Variants in MTUS2 observed in about 807,000 individuals in gnomAD.
MTUS2 encodes microtubule-associated tumor suppressor candidate 2.
Under a neutral mutation model 114.1 loss-of-function variants are expected in MTUS2, and 40 were observed. That is an observed-to-expected ratio of 0.35 (90% CI 0.27 to 0.46). The LOEUF is 0.46. MTUS2 is among the 20% of genes least tolerant of loss of function. The pLI is 1.00. For missense variants in MTUS2, 1,679 were observed against 1,705.4 expected, an observed-to-expected ratio of 0.98 and a Z score of 0.27; for synonymous variants, 688 against 672.0, an observed-to-expected ratio of 1.02 and a Z score of -0.37.
chr13:29,278,909 G>A (rs1011439281), intron 5 of MTUS2, among the ~76,000 whole-genome samples: 8 of 151,650 alleles, frequency 5.3e-5, no homozygotes, highest in African/African-American at 1.5e-4. Context: ...TTCTTCTCAC[G>A]TCGAGCAGCC....
intron 8 of MTUS2, among the ~76,000 whole-genome samples, chr13:29,412,178 A>G (rs1875292273): frequency 2.6e-5 from 4 of 152,178 alleles, no homozygotes; most frequent in African/African-American, 7.2e-5. Flanking sequence ...AAATTCTTCT[A>G]TTGTTTACAC....
chr13:28,979,426 A>T (rs1884260910), intron 2 of MTUS2, among the ~76,000 whole-genome samples: 2 of 152,206 alleles, frequency 1.3e-5, no homozygotes, highest in African/African-American at 4.8e-5. Context: ...TTAAGAATAA[A>T]ATTATGGAAA....
chr13:29,448,341 G>A (rs962531635), intron 9 of MTUS2, among the ~76,000 whole-genome samples: 1 of 152,096 alleles, frequency 6.6e-6, no homozygotes, highest in African/African-American at 2.4e-5. Context: ...CTCTTTCCTG[G>A]GGCTGCTCAA....
intron 6 of MTUS2, among the ~76,000 whole-genome samples, chr13:29,323,583 C>T (rs866240939): frequency 1.4e-4 from 21 of 152,052 alleles, no homozygotes; most frequent in African/African-American, 4.8e-4. Context: ...TCTGTAAATA[C>T]ACTGATAAGA....
chr13:29,043,203 C>A (rs1184472497), intron 4 of MTUS2, among the ~76,000 whole-genome samples: 4 of 152,130 alleles, frequency 2.6e-5, no homozygotes, highest in African/African-American at 9.7e-5. Flanking sequence ...AACAATCTTT[C>A]AAGAGCAGGT....
At chr13:29,227,158 C>T (rs879363300) in intron 5 of MTUS2, among the ~76,000 whole-genome samples, 8 of 147,362 alleles carry the variant, frequency 5.4e-5, no homozygotes, top group Non-Finnish European at 1.2e-4. Flanking sequence ...ACTCGGGAGG[C>T]TGGGGTAGGA....
intron 2 of MTUS2, among the ~76,000 whole-genome samples, chr13:29,020,269 C>T (rs994175755): frequency 6.6e-6 from 1 of 152,166 alleles, no homozygotes; most frequent in Non-Finnish European, 1.5e-5. Context: ...ATGTCTCACT[C>T]TGGGAAAATG....
chr13:28,949,539 C>T (rs1430697556), intron 2 of MTUS2, among the ~76,000 whole-genome samples: 4 of 152,214 alleles, frequency 2.6e-5, no homozygotes, highest in African/African-American at 9.7e-5. Context: ...ATTAAATTCA[C>T]AGTATTGTGT....
intron 9 of MTUS2, among the ~76,000 whole-genome samples, chr13:29,470,866 C>T (rs1021118292): frequency 5.3e-5 from 8 of 152,184 alleles, no homozygotes; most frequent in African/African-American, 1.9e-4. Flanking sequence ...CTAACTGGGA[C>T]TCCCTTTCCC....
At chr13:29,009,497 T>C (rs1480905026) in intron 2 of MTUS2, among the ~76,000 whole-genome samples, 2 of 152,260 alleles carry the variant, frequency 1.3e-5, no homozygotes, top group Admixed American at 1.3e-4. Flanking sequence ...TTTGGTTATA[T>C]TGATATGACA....
At chr13:28,942,796 G>C (rs1334546931) in intron 2 of MTUS2, among the ~76,000 whole-genome samples, 1 of 152,220 alleles carries the variant, frequency 6.6e-6, no homozygotes, top group Non-Finnish European at 1.5e-5. Context: ...GTTATCTGTA[G>C]AGAGGACAGC....
chr13:28,889,797 G>T (rs1011534699), intron 2 of MTUS2, among the ~76,000 whole-genome samples: 3 of 152,062 alleles, frequency 2.0e-5, no homozygotes, highest in African/African-American at 7.2e-5. Context: ...AGAGACCCAG[G>T]CATGACCCCC....
intron 6 of MTUS2, among the ~76,000 whole-genome samples, chr13:29,303,964 G>C (rs552397426): frequency 6.6e-6 from 1 of 152,206 alleles, no homozygotes; most frequent in African/African-American, 2.4e-5. Context: ...CAAGCCAGAA[G>C]AGTTTGGAGG....
At chr13:28,943,276 A>G (rs1882343722) in intron 2 of MTUS2, among the ~76,000 whole-genome samples, 1 of 152,198 alleles carries the variant, frequency 6.6e-6, no homozygotes, top group African/African-American at 2.4e-5. Context: ...TAAATTATTC[A>G]TTGGATAAAC....
At chr13:28,892,933 T>C (rs1433015680) in intron 2 of MTUS2, among the ~76,000 whole-genome samples, 2 of 152,090 alleles carry the variant, frequency 1.3e-5, no homozygotes, top group South Asian at 4.1e-4. Flanking sequence ...ATGGTGGGAA[T>C]GATTTTTTTT....
At chr13:29,218,492 C>A (rs1382423575) in intron 5 of MTUS2, among the ~76,000 whole-genome samples, 1 of 152,172 alleles carries the variant, frequency 6.6e-6, no homozygotes, top group Non-Finnish European at 1.5e-5. Flanking sequence ...AATGGTAAAT[C>A]CTTTCCGATA....
intron 5 of MTUS2, among the ~76,000 whole-genome samples, chr13:29,128,433 G>A (rs1257639305): frequency 6.6e-6 from 1 of 152,060 alleles, no homozygotes; most frequent in East Asian, 1.9e-4. Context: ...AGGAAGGAGA[G>A]GAAAGGATGG....
intron 4 of MTUS2, among the ~76,000 whole-genome samples, chr13:29,068,124 C>A (rs1888745774): frequency 6.6e-6 from 1 of 152,078 alleles, no homozygotes; most frequent in South Asian, 2.1e-4. Flanking sequence ...TATTATAATT[C>A]CTTTGGGTCT....
chr13:28,905,309 C>G (rs1322316612), intron 2 of MTUS2, among the ~76,000 whole-genome samples: 10 of 151,504 alleles, frequency 6.6e-5, no homozygotes, highest in African/African-American at 1.9e-4. Context: ...GGAGTGGTGA[C>G]AGAGGGCATC....
Sources: gnomAD v4.1 joint callset for allele counts (sites outside exome capture counted in the v4.1 genomes callset) on GRCh38, gnomAD v4.1.1 for gene constraint, MANE v1.5 for transcripts, NCBI Gene and HGNC (gene_info 2026-07-23, HGNC 2026-07-21) for gene names.